Variants in DCDC1 observed in about 807,000 individuals in gnomAD.
DCDC1 encodes doublecortin domain-containing protein 1.
In DCDC1, 200 loss-of-function variants were observed where a neutral mutation model predicts 178.3. That is an observed-to-expected ratio of 1.12 (90% CI 1.00 to 1.26). The LOEUF is 1.26. Ranked by LOEUF, DCDC1 falls within the 50% of genes most tolerant of loss-of-function variation. The pLI, the probability that DCDC1 is intolerant of heterozygous loss-of-function variation, is 0.00. For synonymous variants in DCDC1, 690 were observed against 604.8 expected, an observed-to-expected ratio of 1.14 and a Z score of -2.07; for missense variants, 1,983 against 1,749.2, an observed-to-expected ratio of 1.13 and a Z score of -2.38.
intron 2 of DCDC1, among the ~76,000 whole-genome samples, chr11:31,333,678 C>A (rs1206448046): frequency 6.6e-6 from 1 of 152,150 alleles, no homozygotes; most frequent in African/African-American, 2.4e-5. Context: ...GTTAAAAATT[C>A]TTTTCTTTAA....
intron 9 of DCDC1, among the ~76,000 whole-genome samples, chr11:31,141,311 G>A (rs912795487): frequency 2.0e-5 from 3 of 152,168 alleles, no homozygotes; most frequent in Non-Finnish European, 4.4e-5. Context: ...CAGCTAGTGT[G>A]TTGTGTCTAC....
chr11:31,003,488 A>T (rs1017496099), intron 20 of DCDC1, among the ~76,000 whole-genome samples: 1 of 152,208 alleles, frequency 6.6e-6, no homozygotes, highest in South Asian at 2.1e-4. Context: ...TGTGAAGCAC[A>T]TCATAGAAGA....
At chr11:31,278,676 G>A (rs1315266913) in intron 7 of DCDC1, among the ~76,000 whole-genome samples, 1 of 151,888 alleles carries the variant, frequency 6.6e-6, no homozygotes, top group Non-Finnish European at 1.5e-5. Context: ...GTATTTTTAT[G>A]ACAAAAAAAT....
chr11:31,274,126 T>C (rs7937421), intron 7 of DCDC1, among the ~76,000 whole-genome samples: 39,867 of 152,114 alleles, frequency 0.26, 5,383 homozygotes, highest in African/African-American at 0.32. Flanking sequence ...TTTTTTCTCC[T>C]GCTTTCTTGT....
chr11:30,906,724 C>T lies in DCDC1; in HGVS notation c.3920G>A (p.Gly1307Glu). The T allele has an allele frequency of 6.2e-7, 1 of 1,610,846 alleles. No individual in the cohort carries two copies. The highest frequency in any genetic ancestry group is 8.5e-7 in the Non-Finnish European group (1 of 1,178,242). The change falls in exon 30 of 39, where the codon GGA becomes GAA. Residue 1307 changes from glycine (G) to glutamate (E), a missense_variant and splice_region_variant. By Grantham distance (98) the Gly-to-Glu change is moderately conservative (BLOSUM62 -2). Coordinates refer to ENST00000684477, the MANE Select transcript of DCDC1 (RefSeq NM_001387274.1). ...TCCATCAGGTGAGAGATAACAGTAT[C>T]CCTAAAATGGGAGACAAAGATGGCT... ...VIKEENIDQP[G>E]YCYLSPDGKR...
At chr11:31,325,444 G>A (rs757803005) in intron 3 of DCDC1, among the ~76,000 whole-genome samples, 1 of 152,144 alleles carries the variant, frequency 6.6e-6, no homozygotes, top group Non-Finnish European at 1.5e-5. Flanking sequence ...ATAAGAGGAT[G>A]AAACCTTTGG....
intron 11 of DCDC1, among the ~76,000 whole-genome samples, chr11:31,126,212 A>G (rs1382069935): frequency 6.6e-6 from 1 of 152,152 alleles, no homozygotes; most frequent in Non-Finnish European, 1.5e-5. Context: ...GCATCCTTCT[A>G]GAAAACAACC....
intron 17 of DCDC1, among the ~76,000 whole-genome samples, chr11:31,083,166 A>T (rs1025052398): frequency 3.9e-5 from 6 of 152,196 alleles, no homozygotes; most frequent in African/African-American, 1.4e-4. Context: ...CAAGACCTAA[A>T]TGGCAATAAA....
intron 20 of DCDC1, among the ~76,000 whole-genome samples, chr11:31,044,916 T>C (rs564614373): frequency 2.0e-5 from 3 of 152,330 alleles, no homozygotes; most frequent in Admixed American, 2.0e-4. Context: ...TACAATACCA[T>C]GTGGTGCTGA....
intron 21 of DCDC1, among the ~76,000 whole-genome samples, chr11:30,934,956 C>T (rs988045201): frequency 3.3e-5 from 5 of 152,148 alleles, no homozygotes; most frequent in Admixed American, 3.3e-4. Flanking sequence ...GGAGTAGTCC[C>T]AGACAAATGG....
At chr11:31,019,151 A>G (rs997392265) in intron 20 of DCDC1, among the ~76,000 whole-genome samples, 14 of 152,166 alleles carry the variant, frequency 9.2e-5, no homozygotes, top group Non-Finnish European at 1.3e-4. Context: ...ATAAAATGAG[A>G]GTTACAATAA....
In DCDC1 at chr11:30,998,663, T is replaced by C. The variant is rs528006118; in HGVS notation, c.2592-46095A>G. Reference sequence around the variant, plus strand: ...AATGCTAAATTAGTGGGCAGAACTTTTGGGAGAAATTGGATATTTGCTCAA... The same window carrying C: ...AATGCTAAATTAGTGGGCAGAACTTCTGGGAGAAATTGGATATTTGCTCAA... On this transcript the variant is annotated intron_variant, in intron 20 of 38. Coordinates refer to ENST00000684477, the MANE Select transcript of DCDC1 (RefSeq NM_001387274.1). 1.4e-4 allele frequency among the ~76,000 whole-genome samples: 21 copies of C among 152,330 alleles called. No individual in the cohort carries two copies. The South Asian group carries it at 3.9e-3, about 29-fold the overall frequency.
At chr11:31,126,645 G>C (rs949922839) in intron 11 of DCDC1, among the ~76,000 whole-genome samples, 54 of 152,052 alleles carry the variant, frequency 3.6e-4, no homozygotes, top group Non-Finnish European at 1.2e-4. Flanking sequence ...ATAATCAAAA[G>C]GAAATGACGA....
chr11:30,973,195 C>T lies in DCDC1; in HGVS notation c.2592-20627G>A, dbSNP rs562166805. 2.0e-4 allele frequency among the ~76,000 whole-genome samples: 29 copies of T among 147,112 alleles called. 1 individual carries two copies. Among genetic ancestry groups the T allele is most frequent in the East Asian group, 1.2e-3 (6 of 4,974 alleles). On this transcript the variant is annotated intron_variant, in intron 20 of 38. Transcript: ENST00000684477. ...GCTGAGGCAGGAGAATCACTTGAAC[C>T]GGGGAGGTGGCAGTTAAAGAGTGAG...
At chr11:31,110,892 G>C (rs1959158700) in intron 11 of DCDC1, among the ~76,000 whole-genome samples, 1 of 152,082 alleles carries the variant, frequency 6.6e-6, no homozygotes, top group Non-Finnish European at 1.5e-5. Context: ...TGTGATGAAA[G>C]TCATCCATTT....
intron 9 of DCDC1, among the ~76,000 whole-genome samples, chr11:31,140,971 G>A (rs1963753533): frequency 6.6e-6 from 1 of 152,116 alleles, no homozygotes. Context: ...ATAATTAAAA[G>A]TGCTCTTAAT....
intron 1 of DCDC1, among the ~76,000 whole-genome samples, chr11:31,349,409 A>C (rs1163623515): frequency 6.6e-6 from 1 of 152,154 alleles, no homozygotes; most frequent in Non-Finnish European, 1.5e-5. Flanking sequence ...AGTACCAACT[A>C]TTTCCAGACT....
chr11:30,901,460 T>A (rs1196613279), intron 32 of DCDC1, among the ~76,000 whole-genome samples: 2 of 152,170 alleles, frequency 1.3e-5, no homozygotes, highest in Non-Finnish European at 2.9e-5. Context: ...GTGAAGCCTG[T>A]GCTCTTAATG....
intron 9 of DCDC1, among the ~76,000 whole-genome samples, chr11:31,238,155 G>A (rs1024683894): frequency 3.3e-5 from 5 of 151,840 alleles, no homozygotes; most frequent in Admixed American, 3.3e-4. Flanking sequence ...TGGTTGGCGG[G>A]GAAATTCAAA....
Sources: gnomAD v4.1 joint callset for allele counts (sites outside exome capture counted in the v4.1 genomes callset) on GRCh38, gnomAD v4.1.1 for gene constraint, MANE v1.5 for transcripts, NCBI Gene and HGNC (gene_info 2026-07-23, HGNC 2026-07-21) for gene names.